HERC3: variants seen among roughly 807,000 people sequenced by gnomAD.
The protein encoded by HERC3 is HECT and RLD domain containing E3 ubiquitin protein ligase 3.
Under a neutral mutation model 129.9 loss-of-function variants are expected in HERC3, and 58 were observed. The observed-to-expected ratio is 0.45, with a 90% CI of 0.36 to 0.56. The LOEUF (loss-of-function observed/expected upper bound fraction) is 0.56, where lower values mean the gene tolerates loss of function less well. HERC3 is among the 20% of genes least tolerant of loss of function. HERC3 has a pLI of 0.00. For synonymous variants in HERC3, 430 were observed against 451.0 expected (o/e 0.95, Z 0.59); for missense variants, 835 against 1,244.2 (o/e 0.67, Z 4.95).
the HERC3 span, among the ~76,000 whole-genome samples, chr4:88,558,473 G>T: frequency 6.6e-6 from 1 of 152,174 alleles, no homozygotes; most frequent in African/African-American, 2.4e-5. Context: ...GCATGAGAAT[G>T]ACATAATGGA....
At chr4:88,697,754 T>C (rs1404403416) in intron 23 of HERC3, 2 of 1,604,918 alleles carry the variant, frequency 1.2e-6, no homozygotes, top group Admixed American at 1.7e-5. Flanking sequence ...GAGTCGGCCA[T>C]GTTAGAGGAG....
intron 23 of HERC3, among the ~76,000 whole-genome samples, chr4:88,694,675 T>G (rs1238078587): frequency 1.3e-5 from 2 of 152,218 alleles, no homozygotes; most frequent in Non-Finnish European, 2.9e-5. Flanking sequence ...GAGTTTTGAT[T>G]AGAATTGTGA....
At position 88,708,421 on chromosome 4, in the gene HERC3, T is replaced by C. The variant is rs1184987737; in HGVS notation, c.*1461T>C. The C allele has an allele frequency of 6.6e-6, 1 of 152,624 alleles. No individual in the cohort carries two copies. The highest frequency in any genetic ancestry group is 1.5e-5 in the Non-Finnish European group (1 of 68,046). 9.5% of individuals were successfully genotyped at this position (152,624 alleles called of 1,614,324 possible). On this transcript the variant is annotated 3_prime_UTR_variant, in exon 26 of 26. Transcript: ENST00000402738. ...TTATTCCAATTGCTAAATTGGTAGT[T>C]TTTCAGTCTTTATAAATACAGGATT... is the stretch of plus-strand genomic sequence containing the variant.
chr4:88,606,445 G>A (rs565439633), intron 3 of HERC3, among the ~76,000 whole-genome samples: 56 of 152,078 alleles, frequency 3.7e-4, no homozygotes, highest in African/African-American at 1.3e-3. Context: ...GAGAACATAT[G>A]TAATATCAGT....
chr4:88,689,895 C>T (rs1255427240), intron 23 of HERC3: 1 of 680,826 alleles, frequency 1.5e-6, no homozygotes, highest in Admixed American at 6.3e-5. Flanking sequence ...GACATTTTAA[C>T]AAACGACTCG....
chr4:88,646,309 ATGATGGGC>A (rs1397675294), intron 3 of HERC3, among the ~76,000 whole-genome samples: 1 of 152,210 alleles, frequency 6.6e-6, no homozygotes, highest in Non-Finnish European at 1.5e-5. Flanking sequence ...TTAAAAAATT[ATGATGGGC>A]TCAAGAGCTA....
In HERC3 at chr4:88,680,245, G is replaced by A. The variant is rs1374337807; in HGVS notation, c.2340+9G>A. ...TGTGGTTTTCAGACACGGTAAGTAA[G>A]TGGTGTCACAATTAAACAGATGGAT... On this transcript the variant is annotated intron_variant, in intron 20 of 25. Transcript: ENST00000402738. 4.4e-6 allele frequency: 7 copies of A among 1,590,538 alleles called. No homozygotes were observed. The South Asian group carries it at 8.1e-5, about 18-fold the overall frequency.
At chr4:88,676,530 A>C in intron 18 of HERC3, 107 bp downstream of exon 18, 1 of 780,968 alleles carries the variant, frequency 1.3e-6, no homozygotes, top group South Asian at 1.7e-5. Flanking sequence ...TTGAAATTCC[A>C]TTGTAATTCT....
chr4:88,689,552 T>C (rs942067703), intron 23 of HERC3, among the ~76,000 whole-genome samples: 3 of 148,012 alleles, frequency 2.0e-5, no homozygotes, highest in African/African-American at 7.5e-5. Flanking sequence ...AAAAAAATAT[T>C]GACAGACTTC....
At chr4:88,631,436 G>GA (rs2008469136) in intron 3 of HERC3, among the ~76,000 whole-genome samples, 1 of 152,196 alleles carries the variant, frequency 6.6e-6, no homozygotes, top group Non-Finnish European at 1.5e-5. Flanking sequence ...GGGCCTGGGT[G>GA]ACAAAGTGAG....
chr4:88,683,942 A>G (rs1733100733), intron 21 of HERC3, among the ~76,000 whole-genome samples: 1 of 152,044 alleles, frequency 6.6e-6, no homozygotes, highest in Non-Finnish European at 1.5e-5. Flanking sequence ...CATTAGTGTT[A>G]GTGTACCACT....
chr4:88,654,970 A>G (rs1436816638), intron 7 of HERC3, among the ~76,000 whole-genome samples: 3 of 152,226 alleles, frequency 2.0e-5, no homozygotes, highest in Admixed American at 6.5e-5. Context: ...GAGCATTGCT[A>G]TCTTTGTTCC....
the HERC3 span, among the ~76,000 whole-genome samples, chr4:88,548,369 T>C: frequency 2.6e-5 from 4 of 152,196 alleles, no homozygotes; most frequent in African/African-American, 4.8e-5. Flanking sequence ...GTTATTATCT[T>C]GTCTCCTTGA....
intron 23 of HERC3, chr4:88,696,236 A>G (rs8605): frequency 0.23 from 34,984 of 152,518 alleles, 5,188 homozygotes; most frequent in South Asian, 0.44. Context: ...CTTCAAGTAT[A>G]TATTTTTTCC....
chr4:88,649,647 G>A (rs1729065173), intron 3 of HERC3, among the ~76,000 whole-genome samples, 193 bp from the exon 4 acceptor site: 1 of 152,120 alleles, frequency 6.6e-6, no homozygotes, highest in Non-Finnish European at 1.5e-5. Flanking sequence ...TATCTGGGAT[G>A]TGTGTTACCC....
the HERC3 span, among the ~76,000 whole-genome samples, chr4:88,572,816 A>AAT: frequency 4.0e-5 from 6 of 149,796 alleles, no homozygotes; most frequent in South Asian, 4.2e-4. Flanking sequence ...AAAAAAAAAA[A>AAT]AATAATAATA....
Position 88,680,941 on chromosome 4 carries a change from T to C in HERC3, c.2341-218T>C, listed in dbSNP as rs1732710037. On this transcript the variant is annotated intron_variant, in intron 20 of 25. Coordinates refer to ENST00000402738, the MANE Select transcript of HERC3 (RefSeq NM_014606.3). ...CCCTGCTCTAGATGACTGTGAGCTG[T>C]TCTCTGTATCACTAGGTACAAATGC... 4 of 852,078 alleles carry C rather than the reference T, an allele frequency of 4.7e-6. No homozygotes were observed. The South Asian group carries it at 2.2e-4, about 46-fold the overall frequency. 52.8% of individuals were successfully genotyped at this position (852,078 alleles called of 1,614,324 possible). A position where few individuals can be genotyped will look rare whatever the true frequency, so the allele number is the denominator to read the frequency against.
At chr4:88,619,435 A>G (rs575978291) in intron 3 of HERC3, among the ~76,000 whole-genome samples, 2 of 152,350 alleles carry the variant, frequency 1.3e-5, no homozygotes, top group East Asian at 1.9e-4. Flanking sequence ...TTCACCTGGC[A>G]TACAGAACTA....
intron 23 of HERC3, chr4:88,692,861 A>T: frequency 1.0e-6 from 1 of 984,746 alleles, no homozygotes; most frequent in East Asian, 1.1e-4. Context: ...TCAGGGGCTA[A>T]GGCTGGGGCT....
Sources: allele counts gnomAD v4.1 joint callset (sites outside exome capture counted in the v4.1 genomes callset), GRCh38; gene constraint gnomAD v4.1.1; transcripts MANE v1.5; gene names NCBI Gene and HGNC (gene_info 2026-07-23, HGNC 2026-07-21).